KLF8: variants seen among roughly 807,000 people sequenced by gnomAD.
The protein encoded by KLF8 is Krueppel-like factor 8.
A neutral mutation model predicts 18.2 loss-of-function variants in KLF8; 10 were observed. The observed-to-expected ratio is 0.55, with a 90% CI of 0.34 to 0.93. KLF8 has a LOEUF of 0.93. Among genes scored for constraint, KLF8 ranks in the 40% least tolerant of loss-of-function variants. The pLI is 0.02. For synonymous variants in KLF8, 109 were observed against 97.3 expected, an observed-to-expected ratio of 1.12 and a Z score of -0.71; for missense variants, 264 against 277.9, an observed-to-expected ratio of 0.95 and a Z score of 0.36.
At chrX:56,010,932 A>G in the KLF8 span, among the ~76,000 whole-genome samples, 2 of 112,579 alleles carry the variant, frequency 1.8e-5, no homozygotes, top group East Asian at 5.5e-4. Context: ...ATTATCCTAA[A>G]TATATGTGTA....
At chrX:55,970,854 A>G in the KLF8 span, among the ~76,000 whole-genome samples, 2 of 111,271 alleles carry the variant, frequency 1.8e-5, no homozygotes, top group East Asian at 2.8e-4. Context: ...TAATCCAACC[A>G]AAGAAATGAA....
chrX:56,131,701 T>C, the KLF8 span, among the ~76,000 whole-genome samples: 1 of 111,719 alleles, frequency 9.0e-6, no homozygotes, highest in Non-Finnish European at 1.9e-5. Context: ...GCAGAATAGA[T>C]AAGAATTCAA....
the KLF8 span, among the ~76,000 whole-genome samples, chrX:55,965,121 C>T: frequency 9.0e-6 from 1 of 111,418 alleles, no homozygotes; most frequent in African/African-American, 3.3e-5. Flanking sequence ...AGGCCAATAT[C>T]CCTGATTAAC....
At position 56,291,490 on chromosome X, in the gene KLF8, AT is replaced by A. The variant is rs750680094; in HGVS notation, c.*6998del. 1.8e-5 allele frequency among the ~76,000 whole-genome samples: 2 copies of A among 112,010 alleles called. No homozygotes were observed. Among genetic ancestry groups the A allele is most frequent in the South Asian group, 7.4e-4 (2 of 2,708 alleles). On this transcript the variant is annotated 3_prime_UTR_variant, in exon 6 of 6. Coordinates refer to ENST00000468660, the MANE Select transcript of KLF8 (RefSeq NM_007250.5). ...CTAAGCAATCTTGTTCAGTTTAATT[AT>A]TGTACTTTTTTATTAATAAAAAGGT...
At chrX:55,927,737 T>A in the KLF8 span, among the ~76,000 whole-genome samples, 1 of 112,356 alleles carries the variant, frequency 8.9e-6, no homozygotes, top group Non-Finnish European at 1.9e-5. Flanking sequence ...TTCATTTGCC[T>A]TTTTATAGTT....
At chrX:55,919,938 C>T in the KLF8 span, among the ~76,000 whole-genome samples, 15 of 112,087 alleles carry the variant, frequency 1.3e-4, no homozygotes, top group Admixed American at 1.0e-3. Context: ...AGCACCACTT[C>T]CTGGCTGGAG....
chrX:56,162,992 C>T, the KLF8 span, among the ~76,000 whole-genome samples: 1 of 112,166 alleles, frequency 8.9e-6, no homozygotes, highest in African/African-American at 3.2e-5. Context: ...TCCATTCTAT[C>T]ATTTTGCGGC....
the KLF8 span, among the ~76,000 whole-genome samples, chrX:56,147,455 AAAAAC>A: frequency 2.1e-3 from 231 of 112,455 alleles, no homozygotes; most frequent in African/African-American, 7.0e-3. Context: ...TGCAAAAACA[AAAAAC>A]AAAACAAAAC....
At chrX:56,199,010 A>G in the KLF8 span, among the ~76,000 whole-genome samples, 1 of 111,976 alleles carries the variant, frequency 8.9e-6, no homozygotes, top group African/African-American at 3.2e-5. Flanking sequence ...TATTTAATAA[A>G]TGGTGCTGGG....
the KLF8 span, among the ~76,000 whole-genome samples, chrX:56,212,089 G>A: frequency 2.7e-5 from 3 of 111,365 alleles, no homozygotes; most frequent in African/African-American, 9.8e-5. Context: ...TCTGGCCCAC[G>A]ATGTGTCTAC....
At chrX:56,189,033 A>G in the KLF8 span, among the ~76,000 whole-genome samples, 5 of 111,686 alleles carry the variant, frequency 4.5e-5, no homozygotes, top group African/African-American at 1.6e-4. Flanking sequence ...ATCTAATTAA[A>G]CTCAAGAGCT....
At chrX:56,158,757 A>T in the KLF8 span, among the ~76,000 whole-genome samples, 1 of 112,148 alleles carries the variant, frequency 8.9e-6, no homozygotes, top group South Asian at 3.7e-4. Context: ...ACTTTGCTGA[A>T]GTTGCCTATC....
At chrX:56,093,948 T>C in the KLF8 span, among the ~76,000 whole-genome samples, 1 of 99,084 alleles carries the variant, frequency 1.0e-5, no homozygotes, top group Non-Finnish European at 2.0e-5. Flanking sequence ...TGTGTGTGTG[T>C]GTATGAGAGA....
At chrX:56,174,025 A>G in the KLF8 span, among the ~76,000 whole-genome samples, 2 of 111,931 alleles carry the variant, frequency 1.8e-5, no homozygotes, top group Non-Finnish European at 3.8e-5. Flanking sequence ...TAGATATACA[A>G]TCATGTCATC....
chrX:55,993,134 T>C, the KLF8 span, among the ~76,000 whole-genome samples: 1 of 111,433 alleles, frequency 9.0e-6, no homozygotes, highest in Admixed American at 9.6e-5. Flanking sequence ...TTCAGTACTA[T>C]GTTGAATAGG....
chrX:55,962,131 C>T, the KLF8 span: 7 of 149,180 alleles, frequency 4.7e-5, no homozygotes, highest in South Asian at 8.1e-4. Context: ...TTGATCTGTC[C>T]CATGTATTAT....
At chrX:56,010,525 C>T in the KLF8 span, among the ~76,000 whole-genome samples, 6 of 111,817 alleles carry the variant, frequency 5.4e-5, no homozygotes, top group Admixed American at 9.5e-5. Context: ...AATACAATGA[C>T]CAGTGACACT....
chrX:56,150,748 G>A, the KLF8 span, among the ~76,000 whole-genome samples: 6 of 110,914 alleles, frequency 5.4e-5, no homozygotes, highest in African/African-American at 2.0e-4. Context: ...AAAAATACCT[G>A]TTTCATCCAG....
chrX:56,067,585 G>C, the KLF8 span, among the ~76,000 whole-genome samples: 12,824 of 111,036 alleles, frequency 0.12, 1,298 homozygotes, highest in African/African-American at 0.33. Flanking sequence ...ACAGAGAGCA[G>C]AGGATCAAAG....
Sources: allele counts gnomAD v4.1 joint callset (sites outside exome capture counted in the v4.1 genomes callset), GRCh38; gene constraint gnomAD v4.1.1; transcripts MANE v1.5; gene names NCBI Gene and HGNC (gene_info 2026-07-23, HGNC 2026-07-21).